The following TM9SF4 variants were observed in gnomAD, a reference collection of about 807,000 sequenced individuals.
The protein encoded by TM9SF4 is dinucleotide oxidase disulfide thiol exchanger 3 superfamily member 4.
TM9SF4 carries 26 observed loss-of-function variants against 90.4 expected under a neutral mutation model. The ratio of observed to expected loss-of-function variants is 0.29; its 90% CI spans 0.21 to 0.40. TM9SF4 has a LOEUF of 0.40. Ranked by LOEUF, TM9SF4 falls within the 10% of genes least tolerant of loss-of-function variation. TM9SF4 has a pLI of 1.00. For missense variants in TM9SF4, 549 were observed against 834.8 expected (o/e 0.66, Z 4.22); for synonymous variants, 293 against 315.4 (o/e 0.93, Z 0.75).
chr20:32,123,860 A>ATTT, intron 1 of TM9SF4, among the ~76,000 whole-genome samples: 1 of 58,820 alleles, frequency 1.7e-5, no homozygotes. Context: ...ATATATATAT[A>ATTT]TATATATTTT....
intron 13 of TM9SF4, among the ~76,000 whole-genome samples, chr20:32,157,249 G>A (rs907398304): frequency 1.3e-5 from 2 of 152,010 alleles, no homozygotes; most frequent in Admixed American, 6.6e-5. Context: ...CACTGCTCCC[G>A]GCCTTCCTGA....
intron 1 of TM9SF4, among the ~76,000 whole-genome samples, chr20:32,128,579 C>T (rs2046456915): frequency 6.6e-6 from 1 of 152,144 alleles, no homozygotes; most frequent in South Asian, 2.1e-4. Flanking sequence ...TCTCATCCGT[C>T]ACCACCCCTA....
At chr20:32,154,745 G>A (rs113596645) in intron 12 of TM9SF4, among the ~76,000 whole-genome samples, 5,289 of 152,288 alleles carry the variant, frequency 0.035, 355 homozygotes, top group African/African-American at 0.12. Flanking sequence ...GAGCCACCAC[G>A]CCTGGCCAGA....
At chr20:32,150,094 GAAATC>G (rs2046819951) in intron 10 of TM9SF4, among the ~76,000 whole-genome samples, 1 of 152,152 alleles carries the variant, frequency 6.6e-6, no homozygotes, top group Non-Finnish European at 1.5e-5. Flanking sequence ...GATTAGGATT[GAAATC>G]AAATATTTTT....
chr20:32,145,088 C>G lies in TM9SF4; in HGVS notation c.653-3C>G. The G allele has an allele frequency of 6.2e-7, 1 of 1,613,956 alleles. No individual in the cohort carries two copies. Among genetic ancestry groups the G allele is most frequent in the Non-Finnish European group, 8.5e-7 (1 of 1,179,820 alleles). ...GAACAGACTGAGTCTGTGTCTCTCT[C>G]AGACCTCAAAGCAGATGAGAAGAGT... On this transcript the variant is annotated splice_region_variant and splice_polypyrimidine_tract_variant and intron_variant, in intron 6 of 17. Coordinates refer to ENST00000398022, the MANE Select transcript of TM9SF4 (RefSeq NM_014742.4).
Position 32,133,777 on chromosome 20 carries a change from A to G in TM9SF4, c.129+651A>G, listed in dbSNP as rs143475186. On this transcript the variant is annotated intron_variant, in intron 2 of 17. Transcript: ENST00000398022. ...GGAAAATTAACATGTTCAAGGTCAC[A>G]TAGTGAGGAAGACATAGGGTTAGTT... Among the ~76,000 whole-genome samples the G allele has an allele frequency of 6.2e-4, 95 of 152,140 alleles. 2 individuals carry two copies. The East Asian group carries it at 0.016, about 26-fold the overall frequency.
chr20:32,132,223 G>A (rs113849750), intron 1 of TM9SF4, among the ~76,000 whole-genome samples: 4 of 152,044 alleles, frequency 2.6e-5, no homozygotes, highest in Non-Finnish European at 4.4e-5. Context: ...GGGCAATGTG[G>A]TGAAACCCCG....
intron 1 of TM9SF4, among the ~76,000 whole-genome samples, chr20:32,112,409 C>T (rs2046156520): frequency 6.6e-6 from 1 of 152,032 alleles, no homozygotes; most frequent in Non-Finnish European, 1.5e-5. Flanking sequence ...TAAGAAACAA[C>T]AACAGGCCGG....
At chr20:32,153,417 GGCTGCCACA>G (rs2046871471) in intron 12 of TM9SF4, among the ~76,000 whole-genome samples, 2 of 152,202 alleles carry the variant, frequency 1.3e-5, no homozygotes, top group South Asian at 4.1e-4. Context: ...TGGATGCTCA[GGCTGCCACA>G]GCAGTCCCTG....
At chr20:32,163,268 A>AAAAAAAAATATATAT (rs1555886757) in intron 17 of TM9SF4, among the ~76,000 whole-genome samples, 5 of 74,470 alleles carry the variant, frequency 6.7e-5, no homozygotes, top group Admixed American at 3.7e-4. Flanking sequence ...AAAAAAAAAA[A>AAAAAAAAATATATAT]ATATATATAT....
chr20:32,116,405 T>A (rs1165610702), intron 1 of TM9SF4: 1 of 152,246 alleles, frequency 6.6e-6, no homozygotes, highest in Non-Finnish European at 1.5e-5. Flanking sequence ...ATACCCAAGG[T>A]GGAGACAGGA....
intron 15 of TM9SF4, among the ~76,000 whole-genome samples, 198 bp downstream of exon 15, chr20:32,158,712 G>A (rs1353861907): frequency 1.3e-5 from 2 of 152,200 alleles, no homozygotes; most frequent in Non-Finnish European, 2.9e-5. Context: ...GCTGGGCGCG[G>A]TGGCTCACAC....
rs759668711 is a variant in TM9SF4, at chr20:32,141,615, G to C, written c.348G>C (p.Glu116Asp). ...QSNKPVTLTV[E>D]QSRLVAERIT... ...ACAAGCCAGTGACCCTGACAGTGGA[G>C]CAGAGCCGACTCGTGGCCGAGCGGA... The change falls in exon 4 of 18, where the codon GAG becomes GAC. Residue 116 changes from glutamate to aspartate, a missense_variant. Around this residue, in one of 2 missense-constraint regions of TM9SF4, gnomAD observed 495 missense variants for 711.7 expected, o/e 0.70. Coordinates refer to ENST00000398022, the MANE Select transcript of TM9SF4 (RefSeq NM_014742.4). The C allele has an allele frequency of 1.2e-6, 2 of 1,614,186 alleles. No individual in the cohort carries two copies. Among genetic ancestry groups the C allele is most frequent in the Non-Finnish European group, 8.5e-7 (1 of 1,180,044 alleles).
chr20:32,135,635 A>G (rs1477607454), intron 2 of TM9SF4, among the ~76,000 whole-genome samples: 1 of 152,214 alleles, frequency 6.6e-6, no homozygotes, highest in Non-Finnish European at 1.5e-5. Context: ...CGAGCACACA[A>G]TAGGGCAGAA....
At chr20:32,160,291 C>T (rs2046996458) in intron 16 of TM9SF4, among the ~76,000 whole-genome samples, 180 bp downstream of exon 16, 1 of 152,180 alleles carries the variant, frequency 6.6e-6, no homozygotes, top group South Asian at 2.1e-4. Flanking sequence ...CAGCTGTACC[C>T]TGGGCCTAAT....
At chr20:32,116,925 A>G (rs1426143267) in intron 1 of TM9SF4, among the ~76,000 whole-genome samples, 1 of 127,806 alleles carries the variant, frequency 7.8e-6, no homozygotes, top group Non-Finnish European at 1.5e-5. Context: ...CATGGTCTCA[A>G]AATGGTGACT....
rs14316 is a variant in TM9SF4, at chr20:32,165,467, T to C, written c.*23T>C. On this transcript the variant is annotated 3_prime_UTR_variant, in exon 18 of 18. Coordinates refer to ENST00000398022, the MANE Select transcript of TM9SF4 (RefSeq NM_014742.4). ...TGATTGGAGTGGACCACGGCCAAGC[T>C]TGCTCCGTCCTCGGACAGGAAGCCA... 0.6 allele frequency: 970,582 copies of C among 1,612,074 alleles called. 302,110 individuals are homozygous for C. The highest frequency in any genetic ancestry group is 1 in the East Asian group (44,676 of 44,802).
At chr20:32,164,921 TCCTGAAGCTGGGCATCCTG>T (rs2047078441) in intron 17 of TM9SF4, among the ~76,000 whole-genome samples, 1 of 152,058 alleles carries the variant, frequency 6.6e-6, no homozygotes, top group African/African-American at 2.4e-5. Flanking sequence ...GGGCTCCTGG[TCCTGAAGCTGGGCATCCTG>T]GACACCCCTC....
chr20:32,126,187 G>T (rs1421317728), intron 1 of TM9SF4, among the ~76,000 whole-genome samples: 1 of 151,824 alleles, frequency 6.6e-6, no homozygotes, highest in African/African-American at 2.4e-5. Flanking sequence ...TCACTGCACT[G>T]AGAACAAAGC....
Sources: allele counts gnomAD v4.1 joint callset (sites outside exome capture counted in the v4.1 genomes callset), GRCh38; gene constraint gnomAD v4.1.1; regional missense constraint gnomAD v4.1.1; transcripts MANE v1.5; gene names NCBI Gene and HGNC (gene_info 2026-07-23, HGNC 2026-07-21).